Variants in UGT1A6 observed in about 807,000 individuals in gnomAD.
UGT1A6 encodes UDP glucuronosyltransferase family 1 member A6.
In UGT1A6, 32 loss-of-function variants were observed where a neutral mutation model predicts 44.4. The ratio of observed to expected loss-of-function variants is 0.72; its 90% CI spans 0.54 to 0.97. The LOEUF is 0.97. UGT1A6 is among the 50% of genes least tolerant of loss of function. The pLI, the probability that UGT1A6 is intolerant of heterozygous loss-of-function variation, is 0.00. For missense variants in UGT1A6, 685 were observed against 661.9 expected (o/e 1.03, Z -0.38); for synonymous variants, 238 against 248.5 (o/e 0.96, Z 0.40).
chr2:233,728,353 G>C (rs563939650), intron 1 of UGT1A6, among the ~76,000 whole-genome samples: 3 of 152,192 alleles, frequency 2.0e-5, no homozygotes, highest in African/African-American at 7.2e-5. Context: ...GTGAGCAGGA[G>C]CTCCCTGAAC....
At chr2:233,724,542 G>A (rs1366832768) in intron 1 of UGT1A6, among the ~76,000 whole-genome samples, 3 of 123,126 alleles carry the variant, frequency 2.4e-5, no homozygotes, top group East Asian at 2.5e-4. Context: ...GGGCAGAGGC[G>A]CTCCTCACAT....
At position 233,718,924 on chromosome 2, in the gene UGT1A6, C is replaced by T. The variant is rs1174289899; in HGVS notation, c.861+25059C>T. The stretch of plus-strand genomic sequence containing the variant: ...GAGAGTGGAAAGGTGTTGGTGGTGC[C>T]CACTGATGGCAGCCCCTGGCTCAGC... On this transcript the variant is annotated intron_variant, in intron 1 of 4. Transcript: ENST00000305139. 2.5e-6 allele frequency: 4 copies of T among 1,613,938 alleles called. No homozygotes were observed. The Admixed American group carries it at 5.0e-5, about 20-fold the overall frequency.
intron 1 of UGT1A6, chr2:233,755,291 C>T (rs1483791202): frequency 1.2e-5 from 8 of 651,216 alleles, no homozygotes; most frequent in Non-Finnish European, 1.9e-5. Context: ...AAAGAGCCTG[C>T]GGGGCACTGG....
At chr2:233,760,300 T>G (rs1271688129) in intron 1 of UGT1A6, 1 of 1,613,254 alleles carries the variant, frequency 6.2e-7, no homozygotes, top group East Asian at 2.2e-5. Flanking sequence ...GGCTGTGGAG[T>G]CCCAGGGCGG....
chr2:233,729,632 C>T, intron 1 of UGT1A6: 1 of 1,613,894 alleles, frequency 6.2e-7, no homozygotes, highest in Non-Finnish European at 8.5e-7. Flanking sequence ...TCGATTCCTA[C>T]TGTGTTTTTT....
Position 233,767,879 on chromosome 2 carries a change from T to C in UGT1A6, c.1024T>C (p.Ser342Pro). 1 of 1,614,180 alleles carries C rather than the reference T, an allele frequency of 6.2e-7. No homozygotes were observed. The highest frequency in any genetic ancestry group is 1.6e-4 in the Middle Eastern group (1 of 6,062). ...VLWRYTGTRP[S>P]NLANNTILVK... ...GTGGCGGTACACTGGAACCCGACCA[T>C]CGAATCTTGCGAACAACACGATACT... The change falls in exon 3 of 5, where the codon TCG becomes CCG. Residue 342 changes from serine (S) to proline (P), a missense_variant. Coordinates refer to ENST00000305139, the MANE Select transcript of UGT1A6 (RefSeq NM_001072.4).
chr2:233,716,171 A>G (rs17868334), intron 1 of UGT1A6, among the ~76,000 whole-genome samples: 15,437 of 152,224 alleles, frequency 0.1, 902 homozygotes, highest in East Asian at 0.2. Flanking sequence ...GCAGTGCAGC[A>G]TCTTCAAGTC....
chr2:233,731,043 C>T (rs765332681), intron 1 of UGT1A6, among the ~76,000 whole-genome samples: 13 of 152,202 alleles, frequency 8.5e-5, no homozygotes, highest in East Asian at 1.9e-4. Context: ...TCATATTCAC[C>T]GAATGTGTAT....
At chr2:233,720,767 C>A (rs550051357) in intron 1 of UGT1A6, among the ~76,000 whole-genome samples, 2 of 150,844 alleles carry the variant, frequency 1.3e-5, no homozygotes, top group East Asian at 3.9e-4. Flanking sequence ...GGGCAGTGGC[C>A]GGATCTCCGC....
intron 4 of UGT1A6, among the ~76,000 whole-genome samples, chr2:233,771,783 TCTCCCTCCCTCC>T (rs562104634): frequency 6.6e-6 from 1 of 151,556 alleles, no homozygotes; most frequent in African/African-American, 2.4e-5. Context: ...TCCTTTCCTC[TCTCCCTCCCTCC>T]CTCCCTCCCT....
intron 1 of UGT1A6, chr2:233,713,109 C>G: frequency 2.5e-6 from 4 of 1,614,208 alleles, no homozygotes; most frequent in Non-Finnish European, 3.4e-6. Flanking sequence ...TGATGGCAGC[C>G]ACTGGCTCAG....
intron 1 of UGT1A6, among the ~76,000 whole-genome samples, chr2:233,720,381 T>C (rs930663002): frequency 6.6e-6 from 1 of 152,042 alleles, no homozygotes; most frequent in Non-Finnish European, 1.5e-5. Flanking sequence ...CTACTTGGAA[T>C]GCTGAAATTA....
intron 1 of UGT1A6, among the ~76,000 whole-genome samples, chr2:233,707,826 T>C (rs1049405798): frequency 1.3e-5 from 2 of 152,232 alleles, no homozygotes; most frequent in African/African-American, 2.4e-5. Context: ...ATATCATTAA[T>C]TTAATAAGAT....
At position 233,728,183 on chromosome 2, in the gene UGT1A6, A is replaced by G. The variant is rs539668176; in HGVS notation, c.861+34318A>G. ...GTTCTGGAGGAACCATTCTTATCAG[A>G]ACTTGGTGCTGGATTGACTTGGAGA... On this transcript the variant is annotated intron_variant, in intron 1 of 4. Coordinates refer to ENST00000305139, the MANE Select transcript of UGT1A6 (RefSeq NM_001072.4). Among the ~76,000 whole-genome samples the G allele has an allele frequency of 2.0e-5, 3 of 152,306 alleles. No individual in the cohort carries two copies. In the South Asian group the frequency reaches 6.2e-4, roughly 32 times the overall value.
Position 233,760,648 on chromosome 2 carries a change from G to C in UGT1A6, c.862-6386G>C, listed in dbSNP as rs1697515818. The C allele has an allele frequency of 6.2e-7, 1 of 1,614,206 alleles. No homozygotes were observed. Among genetic ancestry groups the C allele is most frequent in the African/African-American group, 1.3e-5 (1 of 75,044 alleles). On this transcript the variant is annotated intron_variant, in intron 1 of 4. Coordinates refer to ENST00000305139, the MANE Select transcript of UGT1A6 (RefSeq NM_001072.4). ...ATACAAGAAAATAAAAAAGGACTCT[G>C]CTATGCTTTTGTCTGGCTGTTCCCA...
intron 3 of UGT1A6, 51 bp from the exon 4 acceptor site, chr2:233,768,169 T>G: frequency 1.9e-6 from 3 of 1,613,804 alleles, no homozygotes; most frequent in Non-Finnish European, 2.5e-6. Context: ...TGTGTCCAGC[T>G]GTGAAACTCA....
At chr2:233,729,952 A>G (rs1448205377) in intron 1 of UGT1A6, 1 of 1,614,072 alleles carries the variant, frequency 6.2e-7, no homozygotes, top group African/African-American at 1.3e-5. Flanking sequence ...CATGGTCTTC[A>G]TTGGGGGCAT....
chr2:233,766,405 C>T (rs545959555), intron 1 of UGT1A6, among the ~76,000 whole-genome samples: 1 of 152,316 alleles, frequency 6.6e-6, no homozygotes, highest in East Asian at 1.9e-4. Flanking sequence ...CGTCCCTCCG[C>T]TGATGTGCTC....
At chr2:233,713,929 A>C in intron 1 of UGT1A6, 1 of 1,611,962 alleles carries the variant, frequency 6.2e-7, no homozygotes, top group African/African-American at 1.3e-5. Flanking sequence ...TTTACTTACA[A>C]GTGCTTCCAT....
Sources: allele counts gnomAD v4.1 joint callset (sites outside exome capture counted in the v4.1 genomes callset), GRCh38; gene constraint gnomAD v4.1.1; transcripts MANE v1.5; gene names NCBI Gene and HGNC (gene_info 2026-07-23, HGNC 2026-07-21).